The following PNLIPRP3 variants were observed in gnomAD, a reference collection of about 807,000 sequenced individuals.
PNLIPRP3 encodes the protein pancreatic lipase-related protein 3.
In PNLIPRP3, 58 loss-of-function variants were observed where a neutral mutation model predicts 52.8. The observed-to-expected ratio is 1.10, with a 90% confidence interval of 0.89 to 1.37. The LOEUF is 1.37. PNLIPRP3 is among the 40% of genes most tolerant of loss of function. PNLIPRP3 has a pLI of 0.00. For missense variants in PNLIPRP3, 593 were observed against 561.6 expected (o/e 1.06, Z -0.57); for synonymous variants, 192 against 185.0 (o/e 1.04, Z -0.31).
At chr10:116,443,801 G>GTGTATATATA (rs1845898955) in intron 3 of PNLIPRP3, among the ~76,000 whole-genome samples, 12 of 11,156 alleles carry the variant, frequency 1.1e-3, no homozygotes, top group Admixed American at 2.7e-3. Flanking sequence ...ATGTGTGTGT[G>GTGTATATATA]CATATATATA....
At chr10:116,444,279 A>G (rs1176742338) in intron 3 of PNLIPRP3, 103 bp from the exon 4 acceptor site, 3 of 1,015,578 alleles carry the variant, frequency 3.0e-6, no homozygotes, top group African/African-American at 1.6e-5. Context: ...GTCTAACCAT[A>G]TCAACCTACT....
intron 4 of PNLIPRP3, among the ~76,000 whole-genome samples, chr10:116,447,795 G>A (rs1234464043): frequency 6.6e-6 from 1 of 152,040 alleles, no homozygotes; most frequent in African/African-American, 2.4e-5. Context: ...AAAGTAGCTG[G>A]TCATGGTGGC....
intron 4 of PNLIPRP3, among the ~76,000 whole-genome samples, chr10:116,449,224 C>A (rs1347864996): frequency 6.6e-6 from 1 of 152,068 alleles, no homozygotes; most frequent in Non-Finnish European, 1.5e-5. Flanking sequence ...AAACAAAAAA[C>A]AATAAGTCCT....
intron 10 of PNLIPRP3, among the ~76,000 whole-genome samples, chr10:116,475,486 G>A (rs1272430999): frequency 1.3e-5 from 2 of 152,124 alleles, no homozygotes; most frequent in Non-Finnish European, 2.9e-5. Flanking sequence ...TGACATAAAG[G>A]GCTGCAATGT....
In PNLIPRP3 at chr10:116,466,082, C is replaced by T. The variant is rs1564703772; in HGVS notation, c.841C>T (p.Arg281Ter). The T allele has an allele frequency of 3.7e-6, 6 of 1,613,656 alleles. No homozygotes were observed. The highest frequency in any genetic ancestry group is 2.2e-5 in the East Asian group (1 of 44,840). The change falls in exon 8 of 12, where the codon CGA becomes TGA. Residue 281 changes from arginine (R) to a stop codon, truncating the protein, a stop_gained. Transcript: ENST00000369230. LOFTEE classifies it high-confidence loss of function. Reference sequence around the variant, plus strand: ...TTCCTTCTTTGACTGTAACCATGCCCGAAGTTATCAATTTTATGCTGAAAG... The same window carrying T: ...TTCCTTCTTTGACTGTAACCATGCCTGAAGTTATCAATTTTATGCTGAAAG... ...MASFFDCNHA[R>*]SYQFYAESIL...
intron 4 of PNLIPRP3, among the ~76,000 whole-genome samples, chr10:116,452,485 GA>G (rs1329406965): frequency 6.6e-6 from 1 of 152,166 alleles, no homozygotes. Flanking sequence ...AGACAATGGG[GA>G]AAAGGCCTGA....
intron 2 of PNLIPRP3, chr10:116,439,938 G>C (rs1845832831): frequency 8.1e-6 from 7 of 868,636 alleles, no homozygotes; most frequent in Admixed American, 1.7e-5. Context: ...CTGCAAAATT[G>C]ACAGGGACCT....
intron 3 of PNLIPRP3, among the ~76,000 whole-genome samples, chr10:116,443,821 A>G (rs1382771028): frequency 2.2e-5 from 3 of 134,304 alleles, no homozygotes; most frequent in African/African-American, 5.7e-5. Flanking sequence ...ATATATATAT[A>G]TATATATATA....
rs768519982 is a variant in PNLIPRP3 at position 116,461,024 on chromosome 10, C to T, written c.624C>T (p.Pro208=). The T allele has an allele frequency of 3.7e-6, 6 of 1,613,788 alleles. No homozygotes were observed. Among genetic ancestry groups the T allele is most frequent in the Non-Finnish European group, 5.1e-6 (6 of 1,180,024 alleles). The change falls in exon 6 of 12, where the codon CCC becomes CCT. Residue 208 remains proline, a synonymous_variant. Coordinates refer to ENST00000369230, the MANE Select transcript of PNLIPRP3 (RefSeq NM_001011709.3). ...CTCCAAAGGAAGTCAGGCTAGACCC[C>T]TCGGATGCCAACTTTGTTGACGTTA... The part of the protein sequence containing the change: ...HNTPKEVRLD[P]SDANFVDVIH...
chr10:116,443,637 A>G (rs1589978176), intron 3 of PNLIPRP3, among the ~76,000 whole-genome samples: 1 of 2,220 alleles, frequency 4.5e-4, no homozygotes, highest in African/African-American at 5.5e-4. Context: ...TAACACATAT[A>G]TATAACACAT....
At chr10:116,454,755 G>A (rs1564699454) in intron 4 of PNLIPRP3, among the ~76,000 whole-genome samples, 2 of 152,170 alleles carry the variant, frequency 1.3e-5, no homozygotes, top group African/African-American at 2.4e-5. Context: ...TCATTGTGCA[G>A]GTATAACACA....
intron 1 of PNLIPRP3, among the ~76,000 whole-genome samples, chr10:116,429,495 C>T (rs149811532): frequency 1.2e-3 from 186 of 152,306 alleles, no homozygotes; most frequent in Middle Eastern, 6.8e-3. Context: ...CAGAGAGATT[C>T]GTTGTGTAAC....
chr10:116,436,806 C>T lies in PNLIPRP3; in HGVS notation c.145C>T (p.Pro49Ser), dbSNP rs746373692. 6.8e-6 allele frequency: 11 copies of T among 1,613,604 alleles called. No homozygotes were observed. Among genetic ancestry groups the T allele is most frequent in the African/African-American group, 1.3e-5 (1 of 74,984 alleles). Reference sequence around the variant, plus strand: ...AGAGTTGGTAGGTTTACCCTGGTCTCCAGAGAAGATAAACACTCGTTTCCT... The same window carrying T: ...AGAGTTGGTAGGTTTACCCTGGTCTTCAGAGAAGATAAACACTCGTTTCCT... ...STELVGLPWS[P>S]EKINTRFLLY... is the part of the protein sequence containing the mutation. The change falls in exon 2 of 12, where the codon CCA becomes TCA. Residue 49 changes from proline to serine, a missense_variant. Physicochemically the swap from Pro to Ser is moderately conservative, Grantham distance 74. Transcript: ENST00000369230.
intron 1 of PNLIPRP3, among the ~76,000 whole-genome samples, chr10:116,429,161 C>A (rs185776659): frequency 6.6e-6 from 1 of 152,092 alleles, no homozygotes; most frequent in African/African-American, 2.4e-5. Flanking sequence ...ATTTCACATA[C>A]AAATACTTAA....
rs7903658 is a variant in PNLIPRP3 at position 116,457,216 on chromosome 10, T to G, written c.565+1386T>G. ...CTTTTGTGTTTGAAAACACAAATAT[T>G]ATATCACATGGTCTTATAATTATGG... On this transcript the variant is annotated intron_variant, in intron 5 of 11. Transcript: ENST00000369230. Among the ~76,000 whole-genome samples, 473 of 152,318 alleles carry G rather than the reference T, an allele frequency of 3.1e-3. 2 individuals are homozygous for G. The highest frequency in any genetic ancestry group is 0.011 in the African/African-American group (447 of 41,574).
rs5788168 is a variant in PNLIPRP3, at chr10:116,468,126, C to CAA, written c.928-1034_928-1033dup. On this transcript the variant is annotated intron_variant, in intron 8 of 11. Coordinates refer to ENST00000369230, the MANE Select transcript of PNLIPRP3 (RefSeq NM_001011709.3). ...GGCAACAGAGCCAGACTCTGTCTCG[C>CAA]AAAAAAAAAAAAAAAAAAAAAAAAA... Among the ~76,000 whole-genome samples the CAA allele has an allele frequency of 9.6e-4, 38 of 39,508 alleles. 6 individuals are homozygous for CAA. Among genetic ancestry groups the CAA allele is most frequent in the African/African-American group, 4.8e-3 (34 of 7,136 alleles). 25.9% of individuals were successfully genotyped at this position (39,508 alleles called of 152,430 possible).
At chr10:116,468,987 T>C (rs1207112835) in intron 8 of PNLIPRP3, among the ~76,000 whole-genome samples, 198 bp from the exon 9 acceptor site, 29 of 152,254 alleles carry the variant, frequency 1.9e-4, no homozygotes, top group African/African-American at 7.2e-5. Context: ...ATTTTTCTAA[T>C]AGGGAGTTTC....
At chr10:116,435,465 A>G (rs2133111307) in intron 1 of PNLIPRP3, among the ~76,000 whole-genome samples, 1 of 150,978 alleles carries the variant, frequency 6.6e-6, no homozygotes, top group Non-Finnish European at 1.5e-5. Context: ...AAAACCAACC[A>G]AACAAAAAAC....
chr10:116,443,654 T>TTTATA (rs369738799), intron 3 of PNLIPRP3, among the ~76,000 whole-genome samples: 23 of 2,694 alleles, frequency 8.5e-3, no homozygotes, highest in Middle Eastern at 0.25. Context: ...ACATATGTGT[T>TTTATA]TATATATATA....
Sources: gnomAD v4.1 joint callset for allele counts (sites outside exome capture counted in the v4.1 genomes callset) on GRCh38, gnomAD v4.1.1 for gene constraint, MANE v1.5 for transcripts, NCBI Gene and HGNC (gene_info 2026-07-23, HGNC 2026-07-21) for gene names.